The following MAPK10 variants were observed in gnomAD, a reference collection of about 807,000 sequenced individuals.
MAPK10 encodes JNK3 alpha protein kinase.
In MAPK10, 25 loss-of-function variants were observed where a neutral mutation model predicts 59.3. The ratio of observed to expected loss-of-function variants is 0.42; its 90% confidence interval spans 0.31 to 0.59. MAPK10 has a LOEUF of 0.59. Among genes scored for constraint, MAPK10 ranks in the 20% least tolerant of loss-of-function variants. The pLI is 0.15. For missense variants in MAPK10, 351 were observed against 568.9 expected (o/e 0.62, Z 3.90); for synonymous variants, 190 against 200.5 (o/e 0.95, Z 0.44).
chr4:86,459,727 G>C (rs961083890), intron 1 of MAPK10, among the ~76,000 whole-genome samples: 1 of 152,094 alleles, frequency 6.6e-6, no homozygotes, highest in Non-Finnish European at 1.5e-5. Flanking sequence ...GGATGCAAAG[G>C]CATAAGAATG....
At chr4:86,357,195 C>G (rs1353367604) in intron 1 of MAPK10, 1 of 152,180 alleles carries the variant, frequency 6.6e-6, no homozygotes, top group East Asian at 1.9e-4. Flanking sequence ...TTTGAACACA[C>G]CAATTCCACT....
chr4:86,496,569 T>C (rs1754885902), intron 1 of MAPK10, among the ~76,000 whole-genome samples: 1 of 152,158 alleles, frequency 6.6e-6, no homozygotes, highest in South Asian at 2.1e-4. Context: ...CCAGATCTTT[T>C]CAAGGCATTG....
At chr4:86,486,369 G>GAAGAAA (rs1193382620) in intron 1 of MAPK10, among the ~76,000 whole-genome samples, 2 of 152,062 alleles carry the variant, frequency 1.3e-5, no homozygotes, top group Non-Finnish European at 2.9e-5. Flanking sequence ...CTACCATACA[G>GAAGAAA]AAGAAAAAGA....
chr4:86,149,025 A>G (rs1454717987), intron 4 of MAPK10, among the ~76,000 whole-genome samples: 5 of 152,234 alleles, frequency 3.3e-5, no homozygotes, highest in African/African-American at 1.2e-4. Flanking sequence ...GTCTAATAGC[A>G]TTAACATTCA....
intron 2 of MAPK10, among the ~76,000 whole-genome samples, chr4:86,220,656 T>TA (rs2089276224): frequency 6.6e-6 from 1 of 152,260 alleles, no homozygotes. Context: ...TGTTTAGAGT[T>TA]ATAAAAGCAA....
At chr4:86,206,699 C>G (rs1239222329) in intron 2 of MAPK10, among the ~76,000 whole-genome samples, 1 of 152,174 alleles carries the variant, frequency 6.6e-6, no homozygotes, top group Non-Finnish European at 1.5e-5. Flanking sequence ...ACATCCTCTC[C>G]AGCACCTGTC....
chr4:86,542,285 G>T (rs1238574751), intron 1 of MAPK10, among the ~76,000 whole-genome samples: 1 of 152,158 alleles, frequency 6.6e-6, no homozygotes, highest in Non-Finnish European at 1.5e-5. Context: ...GTGTTATAAT[G>T]CAAAGAATAC....
intron 1 of MAPK10, among the ~76,000 whole-genome samples, chr4:86,355,603 T>A (rs973285584): frequency 5.3e-5 from 8 of 152,124 alleles, no homozygotes; most frequent in Non-Finnish European, 1.0e-4. Context: ...TTTTCTACCA[T>A]AGCACTTAGC....
intron 1 of MAPK10, among the ~76,000 whole-genome samples, chr4:86,493,029 G>A (rs1564945116): frequency 6.6e-6 from 1 of 152,200 alleles, no homozygotes; most frequent in African/African-American, 2.4e-5. Context: ...CAAGAGCTGA[G>A]TGTTAGCCAA....
intron 2 of MAPK10, among the ~76,000 whole-genome samples, chr4:86,338,361 G>A (rs1262338226): frequency 1.3e-5 from 2 of 152,132 alleles, no homozygotes; most frequent in African/African-American, 2.4e-5. Flanking sequence ...ACAAACCTAC[G>A]TAGAACGCCC....
intron 13 of MAPK10, among the ~76,000 whole-genome samples, chr4:86,019,092 A>G (rs1358639003): frequency 6.6e-6 from 1 of 152,198 alleles, no homozygotes; most frequent in Non-Finnish European, 1.5e-5. Flanking sequence ...CTATAAATAT[A>G]TGGACGTACT....
At chr4:86,044,831 C>A in intron 11 of MAPK10, 1 of 397,108 alleles carries the variant, frequency 2.5e-6, no homozygotes, top group South Asian at 1.3e-4. Flanking sequence ...TTGAGCAAGT[C>A]ACTCAGTTTG....
intron 1 of MAPK10, among the ~76,000 whole-genome samples, chr4:86,427,477 C>T (rs912022625): frequency 6.6e-6 from 1 of 152,124 alleles, no homozygotes; most frequent in African/African-American, 2.4e-5. Flanking sequence ...CGTTTCTTGT[C>T]TTCATCAGAT....
chr4:86,291,043 T>A (rs1009721376), intron 2 of MAPK10, among the ~76,000 whole-genome samples: 1 of 152,180 alleles, frequency 6.6e-6, no homozygotes, highest in Non-Finnish European at 1.5e-5. Context: ...AAAGCTATAA[T>A]ACAGCATGGT....
chr4:86,194,196 G>A (rs564939712), intron 3 of MAPK10, 140 bp downstream of exon 3: 5 of 680,142 alleles, frequency 7.4e-6, no homozygotes, highest in Admixed American at 2.5e-5. Flanking sequence ...CTATTCAGCC[G>A]TCTTGCCAGC....
intron 1 of MAPK10, among the ~76,000 whole-genome samples, chr4:86,376,052 G>T (rs1416473085): frequency 6.6e-6 from 1 of 152,108 alleles, no homozygotes; most frequent in Non-Finnish European, 1.5e-5. Flanking sequence ...TTCACACTCA[G>T]TTTGTAGGAA....
At chr4:86,427,592 A>C (rs1747474902) in intron 1 of MAPK10, among the ~76,000 whole-genome samples, 1 of 152,248 alleles carries the variant, frequency 6.6e-6, no homozygotes, top group Non-Finnish European at 1.5e-5. Flanking sequence ...AAGGAAAAAG[A>C]AAAGGAAAAG....
chr4:86,076,923 G>A (rs1479059731), intron 9 of MAPK10, among the ~76,000 whole-genome samples: 1 of 152,116 alleles, frequency 6.6e-6, no homozygotes, highest in Non-Finnish European at 1.5e-5. Context: ...TCTTAGCCCT[G>A]TGAGGTTATC....
chr4:86,444,179 GAAGATTTCCCCA>G (rs982126626), intron 1 of MAPK10, among the ~76,000 whole-genome samples: 1 of 152,126 alleles, frequency 6.6e-6, no homozygotes, highest in Non-Finnish European at 1.5e-5. Flanking sequence ...AATAATGCCT[GAAGATTTCCCCA>G]AATTAATGTC....
Sources: allele counts gnomAD v4.1 joint callset (sites outside exome capture counted in the v4.1 genomes callset), GRCh38; gene constraint gnomAD v4.1.1; transcripts MANE v1.5; gene names NCBI Gene and HGNC (gene_info 2026-07-23, HGNC 2026-07-21).